Variants in NBAS observed in about 807,000 individuals in gnomAD.
NBAS encodes the protein NAG/BC035112 fusion.
NBAS carries 219 observed loss-of-function variants against 302.5 expected under a neutral mutation model. The observed-to-expected ratio is 0.72, with a 90% confidence interval of 0.65 to 0.81. NBAS has a LOEUF of 0.81. Among genes scored for constraint, NBAS ranks in the 30% least tolerant of loss-of-function variants. NBAS has a pLI of 0.00. For missense variants in NBAS, 2,932 were observed against 2,841.6 expected (o/e 1.03, Z -0.72); for synonymous variants, 1,118 against 1,021.6 (o/e 1.09, Z -1.80).
chr2:14,950,802 G>T, the NBAS span, among the ~76,000 whole-genome samples: 7 of 152,174 alleles, frequency 4.6e-5, no homozygotes, highest in Admixed American at 3.9e-4. Flanking sequence ...AGAAAGTATT[G>T]CTTCTTAATT....
chr2:15,104,966 T>C, the NBAS span, among the ~76,000 whole-genome samples: 2 of 152,076 alleles, frequency 1.3e-5, no homozygotes, highest in African/African-American at 4.8e-5. Flanking sequence ...CATATATTTA[T>C]TGCAGCACTA....
chr2:15,206,949 C>A (rs1347255750), intron 48 of NBAS, among the ~76,000 whole-genome samples: 3 of 152,210 alleles, frequency 2.0e-5, no homozygotes, highest in East Asian at 3.9e-4. Flanking sequence ...GGAGCCCCCA[C>A]ACAGAGTCAC....
chr2:15,244,645 C>A (rs144601529), intron 44 of NBAS, among the ~76,000 whole-genome samples: 58 of 152,176 alleles, frequency 3.8e-4, no homozygotes, highest in Admixed American at 1.6e-3. Flanking sequence ...GAGGATTTGT[C>A]CATTTGGTTC....
intron 38 of NBAS, among the ~76,000 whole-genome samples, chr2:15,313,940 G>A (rs543799037): frequency 6.6e-6 from 1 of 152,252 alleles, no homozygotes; most frequent in South Asian, 2.1e-4. Context: ...CACGTCACCT[G>A]GTGAACTCCA....
At chr2:15,026,693 T>C in the NBAS span, among the ~76,000 whole-genome samples, 15 of 152,174 alleles carry the variant, frequency 9.9e-5, no homozygotes, top group African/African-American at 3.6e-4. Context: ...TATTCTTATA[T>C]AGCTTTTGGG....
the NBAS span, among the ~76,000 whole-genome samples, chr2:14,888,147 T>C: frequency 5.3e-5 from 8 of 152,284 alleles, no homozygotes; most frequent in Admixed American, 2.0e-4. Flanking sequence ...TATTTATTTT[T>C]TGAAACGGAG....
chr2:14,990,531 C>A, the NBAS span, among the ~76,000 whole-genome samples: 119 of 152,284 alleles, frequency 7.8e-4, no homozygotes, highest in Non-Finnish European at 2.4e-4. Context: ...ATAATAATAT[C>A]TTACAGTAAG....
the NBAS span, among the ~76,000 whole-genome samples, chr2:14,985,291 G>A: frequency 6.6e-6 from 1 of 152,190 alleles, no homozygotes; most frequent in Non-Finnish European, 1.5e-5. Flanking sequence ...TGTCATCCAG[G>A]AAACACTGTC....
At chr2:15,088,512 TTC>T in the NBAS span, among the ~76,000 whole-genome samples, 12 of 152,302 alleles carry the variant, frequency 7.9e-5, no homozygotes, top group East Asian at 3.9e-4. Context: ...TAAGTATATT[TTC>T]TCTCTTTCCC....
chr2:15,190,042 T>C (rs545601096), intron 49 of NBAS, among the ~76,000 whole-genome samples: 12 of 152,322 alleles, frequency 7.9e-5, no homozygotes, highest in Admixed American at 5.9e-4. Flanking sequence ...TTATCAAGCA[T>C]TGTCTGATAC....
intron 9 of NBAS, among the ~76,000 whole-genome samples, chr2:15,533,673 G>GGTGTGTGT (rs1220581737): frequency 4.6e-5 from 6 of 130,674 alleles, no homozygotes; most frequent in Non-Finnish European, 9.5e-5. Context: ...GACTTCGGGG[G>GGTGTGTGT]GTGTGCGTGT....
chr2:14,784,777 T>C, the NBAS span, among the ~76,000 whole-genome samples: 1 of 152,118 alleles, frequency 6.6e-6, no homozygotes, highest in Non-Finnish European at 1.5e-5. Context: ...TGTTCTTTTG[T>C]CTTAGGATTG....
At chr2:15,016,289 T>C in the NBAS span, among the ~76,000 whole-genome samples, 6 of 152,088 alleles carry the variant, frequency 3.9e-5, no homozygotes, top group African/African-American at 7.2e-5. Flanking sequence ...AAGAACAGTA[T>C]AGAAGAAAAC....
intron 31 of NBAS, among the ~76,000 whole-genome samples, chr2:15,366,940 T>A (rs1179315792): frequency 2.0e-5 from 3 of 152,194 alleles, no homozygotes; most frequent in African/African-American, 7.2e-5. Flanking sequence ...GAAGTGTTAA[T>A]CTGAAACTAG....
chr2:15,545,123 A>C (rs1448643195), intron 6 of NBAS, among the ~76,000 whole-genome samples: 3 of 152,250 alleles, frequency 2.0e-5, no homozygotes, highest in Non-Finnish European at 4.4e-5. Flanking sequence ...AAGCCTCAAT[A>C]AATGAAAAAG....
the NBAS span, among the ~76,000 whole-genome samples, chr2:14,962,302 G>A: frequency 6.6e-6 from 1 of 152,174 alleles, no homozygotes; most frequent in East Asian, 1.9e-4. Context: ...CCACCACCAC[G>A]GACAGCTCAG....
At chr2:15,210,403 A>T (rs184173171) in intron 48 of NBAS, among the ~76,000 whole-genome samples, 1 of 152,328 alleles carries the variant, frequency 6.6e-6, no homozygotes, top group African/African-American at 2.4e-5. Flanking sequence ...GAGAAATGCA[A>T]ATCAAAACTA....
intron 11 of NBAS, among the ~76,000 whole-genome samples, chr2:15,491,503 G>A (rs982086259): frequency 4.6e-5 from 7 of 152,152 alleles, no homozygotes; most frequent in South Asian, 2.1e-4. Context: ...TTGGGAGGCC[G>A]AGGCGGGCAC....
chr2:15,298,396 G>A (rs1325414667), intron 40 of NBAS, among the ~76,000 whole-genome samples: 3 of 152,028 alleles, frequency 2.0e-5, no homozygotes, highest in Non-Finnish European at 4.4e-5. Flanking sequence ...TTACTTACAG[G>A]GGAAAAACAC....
Sources: gnomAD v4.1 joint callset for allele counts (sites outside exome capture counted in the v4.1 genomes callset) on GRCh38, gnomAD v4.1.1 for gene constraint, MANE v1.5 for transcripts, NCBI Gene and HGNC (gene_info 2026-07-23, HGNC 2026-07-21) for gene names.